The following PIK3R1 variants were observed in gnomAD, a reference collection of about 807,000 sequenced individuals.
PIK3R1 encodes the protein phosphoinositide-3-kinase regulatory subunit 1.
PIK3R1 carries 29 observed loss-of-function variants against 98.0 expected under a neutral mutation model. The observed-to-expected ratio is 0.30, with a 90% CI of 0.22 to 0.40. The LOEUF (loss-of-function observed/expected upper bound fraction) is 0.40. Among genes scored for constraint, PIK3R1 ranks in the 10% least tolerant of loss-of-function variants. The pLI is 1.00. For synonymous variants in PIK3R1, 282 were observed against 311.8 expected (o/e 0.90, Z 1.01); for missense variants, 596 against 872.7 (o/e 0.68, Z 3.99).
chr5:68,219,692 C>A (rs539418798), intron 1 of PIK3R1, among the ~76,000 whole-genome samples: 1 of 152,128 alleles, frequency 6.6e-6, no homozygotes, highest in African/African-American at 2.4e-5. Flanking sequence ...TTTAAGACAG[C>A]GGGAGTTTTA....
chr5:68,267,194 A>T (rs1000693773), intron 2 of PIK3R1, among the ~76,000 whole-genome samples: 4 of 152,234 alleles, frequency 2.6e-5, no homozygotes, highest in African/African-American at 9.6e-5. Flanking sequence ...AATTTAGGTG[A>T]TAAGGATCAC....
At chr5:68,256,573 A>C (rs1745525595) in intron 2 of PIK3R1, among the ~76,000 whole-genome samples, 1 of 152,118 alleles carries the variant, frequency 6.6e-6, no homozygotes, top group Non-Finnish European at 1.5e-5. Context: ...TCAAGGTATT[A>C]TTGCTGTACT....
rs3730085 is a variant in PIK3R1 at position 68,280,914 on chromosome 5, C to A, written c.837-13C>A. ...TTAGGGAAAAGGTTTCTAATAAACTCTCTTTCTTACAGCTCTGATAATACT... is the reference window on the plus strand; with the variant it reads ...TTAGGGAAAAGGTTTCTAATAAACTATCTTTCTTACAGCTCTGATAATACT... On this transcript the variant is annotated splice_polypyrimidine_tract_variant and intron_variant, in intron 6 of 15. Coordinates refer to ENST00000521381, the MANE Select transcript of PIK3R1 (RefSeq NM_181523.3). 61 of 1,535,120 alleles carry A rather than the reference C, an allele frequency of 4.0e-5. No homozygotes were observed. Among genetic ancestry groups the A allele is most frequent in the Non-Finnish European group, 5.2e-5 (58 of 1,125,048 alleles).
chr5:68,288,327 A>C, intron 7 of PIK3R1: 2 of 800,178 alleles, frequency 2.5e-6, no homozygotes, highest in Non-Finnish European at 1.6e-6. Context: ...TCCCTAGCTC[A>C]GCAAATATTT....
At chr5:68,243,888 T>C (rs1561267155) in intron 2 of PIK3R1, among the ~76,000 whole-genome samples, 1 of 152,242 alleles carries the variant, frequency 6.6e-6, no homozygotes, top group Non-Finnish European at 1.5e-5. Context: ...TTGAGTAATT[T>C]CAGTTTCCTC....
chr5:68,230,296 C>T (rs952475514), intron 2 of PIK3R1, among the ~76,000 whole-genome samples: 1 of 152,200 alleles, frequency 6.6e-6, no homozygotes, highest in Non-Finnish European at 1.5e-5. Flanking sequence ...TTGACTGTTC[C>T]CTCTGTTAGA....
rs1748106501 is a variant in PIK3R1 at position 68,301,542 on chromosome 5, T to A, written c.*3941T>A. The A allele has an allele frequency of 6.5e-6, 1 of 154,314 alleles. No individual in the cohort carries two copies. Among genetic ancestry groups the A allele is most frequent in the Admixed American group, 6.7e-5 (1 of 14,894 alleles). 9.6% of individuals were successfully genotyped at this position (154,314 alleles called of 1,614,324 possible). A position where few individuals can be genotyped will look rare whatever the true frequency, so the allele number is the denominator to read the frequency against. ...AAAATCAAAACAAAAAAAAACTCAT[T>A]TATACCTGTGTATTTTTTAAAGCTA... On this transcript the variant is annotated 3_prime_UTR_variant, in exon 16 of 16. Transcript: ENST00000521381.
At chr5:68,269,551 A>C (rs1409511162) in intron 2 of PIK3R1, among the ~76,000 whole-genome samples, 1 of 152,166 alleles carries the variant, frequency 6.6e-6, no homozygotes, top group Non-Finnish European at 1.5e-5. Flanking sequence ...TTCAAAGAAC[A>C]CCTTGCCAAA....
rs2544847 is a variant in PIK3R1 at position 68,298,903 on chromosome 5, G to C, written c.*1302G>C. 1 of 233,266 alleles carries C rather than the reference G, an allele frequency of 4.3e-6. No homozygotes were observed. Among genetic ancestry groups the C allele is most frequent in the Non-Finnish European group, 8.5e-6 (1 of 117,948 alleles). The allele number at this position is 233,266 out of a possible 1,614,324, so 14.4% of individuals were successfully genotyped here. A position where few individuals can be genotyped will look rare whatever the true frequency, so the allele number is the denominator to read the frequency against. On this transcript the variant is annotated 3_prime_UTR_variant, in exon 16 of 16. Coordinates refer to ENST00000521381, the MANE Select transcript of PIK3R1 (RefSeq NM_181523.3). ...TGTAGTGAAGGGATGTATCAAGTGG[G>C]GTGGTGGGAGGGGGAGGCAAGGTTA...
rs373560990 is a variant in PIK3R1, at chr5:68,226,814, G to A, written c.139G>A (p.Glu47Lys). ...AGCTCTTGGATTCAGTGATGGACAG[G>A]AAGCCAGGCCTGAAGAAATTGGCTG... is the stretch of plus-strand genomic sequence containing the variant. ...LVALGFSDGQ[E>K]ARPEEIGWLN... Residue 47 changes from glutamate (E) to lysine (K), a missense_variant, in exon 2 of 16, where the codon GAA (glutamate) becomes AAA (lysine). Physicochemically the swap from Glu to Lys is moderately conservative, Grantham distance 56. Coordinates refer to ENST00000521381, the MANE Select transcript of PIK3R1 (RefSeq NM_181523.3). The A allele has an allele frequency of 1.2e-6, 2 of 1,614,036 alleles. No individual in the cohort carries two copies. The highest frequency in any genetic ancestry group is 1.7e-6 in the Non-Finnish European group (2 of 1,180,028).
Position 68,292,454 on chromosome 5 carries a change from A to G in PIK3R1, c.1019+93A>G, listed in dbSNP as rs765745646. 5 of 1,443,066 alleles carry G rather than the reference A, an allele frequency of 3.5e-6. No individual in the cohort carries two copies. In the Admixed American group the frequency reaches 8.7e-5, roughly 25 times the overall value. 89.4% of individuals were successfully genotyped at this position (1,443,066 alleles called of 1,614,324 possible). A position where few individuals can be genotyped will look rare whatever the true frequency, so the allele number is the denominator to read the frequency against. On this transcript the variant is annotated intron_variant, in intron 8 of 15. Transcript: ENST00000521381. ...AGTTCCATTTTTAGGATATCATCCA[A>G]CATAAGCATGAAGCATAGTTGGTTC...
intron 2 of PIK3R1, among the ~76,000 whole-genome samples, chr5:68,264,224 AGCTG>A (rs1746025279): frequency 6.6e-6 from 1 of 152,222 alleles, no homozygotes; most frequent in South Asian, 2.1e-4. Flanking sequence ...GATGGTGAAA[AGCTG>A]GCCTGCCAGT....
At chr5:68,221,136 A>G (rs1440115553) in intron 1 of PIK3R1, among the ~76,000 whole-genome samples, 1 of 152,252 alleles carries the variant, frequency 6.6e-6, no homozygotes, top group Non-Finnish European at 1.5e-5. Flanking sequence ...GGCCTTCACC[A>G]GATGCTAGTG....
chr5:68,264,723 A>T (rs888808460), intron 2 of PIK3R1, among the ~76,000 whole-genome samples: 6 of 152,170 alleles, frequency 3.9e-5, no homozygotes, highest in African/African-American at 1.2e-4. Context: ...GAGGTAGGAA[A>T]GGCTCTGGCA....
At chr5:68,278,325 T>C (rs1307948496) in intron 4 of PIK3R1, among the ~76,000 whole-genome samples, 5 of 152,116 alleles carry the variant, frequency 3.3e-5, no homozygotes, top group Non-Finnish European at 7.4e-5. Context: ...ATTCTAAAAA[T>C]GTTCAAATTA....
rs1302326379 is a variant in PIK3R1, at chr5:68,275,371, CAT to C, written c.502+1359_502+1360del. ...TCCTTAGCCAATTGAAATGAAGACACATGTTTGGGTCAGAAAATTGGTCAAAT... is the reference window on the plus strand; with the variant it reads ...TCCTTAGCCAATTGAAATGAAGACACGTTTGGGTCAGAAAATTGGTCAAAT... On this transcript the variant is annotated intron_variant, in intron 4 of 15. Transcript: ENST00000521381. Among the ~76,000 whole-genome samples the C allele has an allele frequency of 4.6e-5, 7 of 152,088 alleles. No individual in the cohort carries two copies. In the East Asian group the frequency reaches 9.6e-4, roughly 21 times the overall value.
chr5:68,262,790 TGTATAC>T lies in PIK3R1; in HGVS notation c.335-10596_335-10591del, dbSNP rs371233947. 5.1e-4 allele frequency among the ~76,000 whole-genome samples: 13 copies of T among 25,296 alleles called. 1 individual carries two copies. The highest frequency in any genetic ancestry group is 6.6e-4 in the Admixed American group (3 of 4,532). The allele number at this position is 25,296 out of a possible 152,430, so 16.6% of individuals were successfully genotyped here. On this transcript the variant is annotated intron_variant, in intron 2 of 15. Transcript: ENST00000521381. ...ATACATGTAGATGCATGTAGATACA[TGTATAC>T]GTAGATACATGTATACATGTAGATA...
intron 1 of PIK3R1, chr5:68,217,649 T>TGCGCGC (rs751885132): frequency 1.5e-5 from 2 of 136,042 alleles, no homozygotes; most frequent in African/African-American, 5.9e-5. Flanking sequence ...TGTGTGTGTG[T>TGCGCGC]GTGTGCGCGC....
At chr5:68,240,121 T>C (rs116149404) in intron 2 of PIK3R1, among the ~76,000 whole-genome samples, 2,591 of 149,888 alleles carry the variant, frequency 0.017, 62 homozygotes, top group African/African-American at 0.058. Flanking sequence ...TAAATGTTTA[T>C]GTATAAATAT....
Sources: allele counts gnomAD v4.1 joint callset (sites outside exome capture counted in the v4.1 genomes callset), GRCh38; gene constraint gnomAD v4.1.1; transcripts MANE v1.5; gene names NCBI Gene and HGNC (gene_info 2026-07-23, HGNC 2026-07-21).